Variants in LRP4 observed in about 807,000 individuals in gnomAD.
LRP4 encodes the protein LDL receptor related protein 4, also known as low-density lipoprotein receptor-related protein 4.
Under a neutral mutation model 220.3 loss-of-function variants are expected in LRP4, and 95 were observed. That is an observed-to-expected ratio of 0.43 (90% CI 0.37 to 0.51). LRP4 has a LOEUF of 0.51. Ranked by LOEUF, LRP4 falls within the 20% of genes least tolerant of loss-of-function variation. The pLI, the probability that LRP4 is intolerant of heterozygous loss-of-function variation, is 0.00. For synonymous variants in LRP4, 903 were observed against 954.6 expected, an observed-to-expected ratio of 0.95 and a Z score of 1.00; for missense variants, 1,925 against 2,567.0, an observed-to-expected ratio of 0.75 and a Z score of 5.40.
In LRP4 at chr11:46,874,801, T is replaced by C; in HGVS notation, c.4228A>G (p.Arg1410Gly). ...TGGAGGTTTCAGTGTTGCTCATACC[T>C]GATAACATCCAGGAACACATCTGTG... ...YYTDVFLDVI[R>G]RADLNGSNME... The change falls in exon 28 of 38, where the codon AGG becomes GGG. Residue 1410 changes from arginine to glycine, a missense_variant and splice_region_variant. Arg to Gly is a moderately radical substitution (Grantham distance 125, BLOSUM62 -2). Coordinates refer to ENST00000378623, the MANE Select transcript of LRP4 (RefSeq NM_002334.4). 1.9e-6 allele frequency: 3 copies of C among 1,613,624 alleles called. No individual in the cohort carries two copies. The highest frequency in any genetic ancestry group is 2.2e-5 in the East Asian group (1 of 44,862).
At chr11:46,880,379 T>C (rs1941125463) in intron 20 of LRP4, among the ~76,000 whole-genome samples, 2 of 150,564 alleles carry the variant, frequency 1.3e-5, no homozygotes, top group Admixed American at 1.3e-4. Flanking sequence ...AGCAGGAGGA[T>C]TGCTTGAGCC....
intron 1 of LRP4, among the ~76,000 whole-genome samples, chr11:46,916,649 G>T (rs956736975): frequency 1.3e-5 from 2 of 151,778 alleles, no homozygotes; most frequent in African/African-American, 4.8e-5. Flanking sequence ...CTTCCCTAGG[G>T]CAGAAGGCGA....
Position 46,892,968 on chromosome 11 carries a change from C to T in LRP4, c.1697+5G>A, listed in dbSNP as rs1941453613. ...GAAAGTTCGGGAGCCTGAGATACAA[C>T]TTACCCCTCCATGGGATGCAAGGCA... is the stretch of plus-strand genomic sequence containing the variant. On this transcript the variant is annotated splice_donor_5th_base_variant and intron_variant, in intron 13 of 37. Coordinates refer to ENST00000378623, the MANE Select transcript of LRP4 (RefSeq NM_002334.4). 1 of 1,612,836 alleles carries T rather than the reference C, an allele frequency of 6.2e-7. No homozygotes were observed. Among genetic ancestry groups the T allele is most frequent in the Non-Finnish European group, 8.5e-7 (1 of 1,179,876 alleles).
intron 37 of LRP4, among the ~76,000 whole-genome samples, chr11:46,861,834 C>T (rs1431642225): frequency 6.6e-6 from 1 of 151,884 alleles, no homozygotes; most frequent in Non-Finnish European, 1.5e-5. Flanking sequence ...TTTGGGAGGC[C>T]GAGGCAGGTG....
At position 46,894,860 on chromosome 11, in the gene LRP4, G is replaced by C. The variant is rs199666098; in HGVS notation, c.1310-41C>G. 17 of 1,551,824 alleles carry C rather than the reference G, an allele frequency of 1.1e-5. No individual in the cohort carries two copies. The Admixed American group carries it at 2.3e-4, about 21-fold the overall frequency. On this transcript the variant is annotated intron_variant, in intron 11 of 37. Coordinates refer to ENST00000378623, the MANE Select transcript of LRP4 (RefSeq NM_002334.4). ...AACATGGGATACCCACTGGGTTTCA[G>C]AGCCGCCCCTGGTACCCATCAGCAG...
rs373269700 is a variant in LRP4 at position 46,869,152 on chromosome 11, C to G, written c.4693-20G>C. 3.7e-6 allele frequency: 6 copies of G among 1,612,214 alleles called. No individual in the cohort carries two copies. In the African/African-American group the frequency reaches 8.0e-5, roughly 21 times the overall value. On this transcript the variant is annotated intron_variant, in intron 31 of 37. Transcript: ENST00000378623. ...GTCTTGCTACTCAACAGGGGAAGCC[C>G]AAAAACAGTAAATATTATTCAGCAA...
rs1361464562 is a variant in LRP4, at chr11:46,890,260, T to C, written c.1915+17A>G. The C allele has an allele frequency of 6.2e-7, 1 of 1,613,502 alleles. No individual in the cohort carries two copies. The highest frequency in any genetic ancestry group is 8.5e-7 in the Non-Finnish European group (1 of 1,179,574). The stretch of plus-strand genomic sequence containing the variant: ...CAGGAGGACAAGAGATGAAGGAGAC[T>C]GAAGGAAGGGGCTCACCCTGGCTAA... On this transcript the variant is annotated intron_variant, in intron 14 of 37. Transcript: ENST00000378623. This position sits in a 1 kb window ranked among gnomAD's most constrained non-coding sequence, Gnocchi z 5.3.
In LRP4 at chr11:46,873,125, G is replaced by A. The variant is rs915850062; in HGVS notation, c.4558C>T (p.Leu1520Phe). The change falls in exon 30 of 38, where the codon CTT (leucine) becomes TTT (phenylalanine). Residue 1520 changes from leucine (L) to phenylalanine (F), a missense_variant. By Grantham distance (22) the Leu-to-Phe change is conservative. Around this residue, in one of 3 missense-constraint regions of LRP4, gnomAD observed 1,244 missense variants for 1,624.9 expected, o/e 0.77. Coordinates refer to ENST00000378623, the MANE Select transcript of LRP4 (RefSeq NM_002334.4). The surrounding 1 kb of genome is among the most constrained non-coding windows in gnomAD (Gnocchi z 4.2). ...CTGCGGGTATCATAGTCCAGGGTAA[G>A]GCCATTGGGCCAACCCAGGTCTGTG... Reference protein sequence around the residue: ...INTDLGWPNGLTLDYDTRRIY... With the variant: ...INTDLGWPNGFTLDYDTRRIY... The A allele has an allele frequency of 6.2e-7, 1 of 1,614,204 alleles. No homozygotes were observed. The highest frequency in any genetic ancestry group is 8.5e-7 in the Non-Finnish European group (1 of 1,180,036).
chr11:46,893,162 A>G, intron 12 of LRP4, 33 bp from the exon 13 acceptor site: 1 of 1,613,890 alleles, frequency 6.2e-7, no homozygotes, highest in Non-Finnish European at 8.5e-7. Context: ...AATGTCAAGG[A>G]GTCAACCCAG....
At chr11:46,912,951 C>T (rs926019744) in intron 1 of LRP4, among the ~76,000 whole-genome samples, 1 of 152,134 alleles carries the variant, frequency 6.6e-6, no homozygotes, top group Non-Finnish European at 1.5e-5. Context: ...TTGTTTCCGG[C>T]TCTGCTTGCC....
At chr11:46,880,084 G>A (rs1009329110) in intron 20 of LRP4, among the ~76,000 whole-genome samples, 4 of 152,152 alleles carry the variant, frequency 2.6e-5, no homozygotes, top group Non-Finnish European at 5.9e-5. Context: ...CAGTCTGGGC[G>A]ACAGAGCAAG....
intron 1 of LRP4, among the ~76,000 whole-genome samples, chr11:46,905,112 C>T (rs1270158714): frequency 1.3e-5 from 2 of 151,980 alleles, no homozygotes; most frequent in Non-Finnish European, 2.9e-5. Flanking sequence ...CTCTTCGGGT[C>T]TCTCTACAAA....
chr11:46,901,355 A>C (rs1180440418), intron 2 of LRP4, among the ~76,000 whole-genome samples: 2 of 152,160 alleles, frequency 1.3e-5, no homozygotes, highest in African/African-American at 4.8e-5. Context: ...CTCAATTTCC[A>C]GTTCATTACG....
chr11:46,902,662 A>G lies in LRP4; in HGVS notation c.199+121T>C, dbSNP rs1347726752. On this transcript the variant is annotated intron_variant, in intron 2 of 37. Coordinates refer to ENST00000378623, the MANE Select transcript of LRP4 (RefSeq NM_002334.4). ...AAATGTCAATATCTATCAAGCTTGC[A>G]AAAGACCAACTCTCTGAGTCCGACA... 3 of 1,191,870 alleles carry G rather than the reference A, an allele frequency of 2.5e-6. No individual in the cohort carries two copies. The Admixed American group carries it at 5.2e-5, about 21-fold the overall frequency. 73.8% of individuals were successfully genotyped at this position (1,191,870 alleles called of 1,614,324 possible).
rs1182247156 is a variant in LRP4 at position 46,899,136 on chromosome 11, T to A, written c.548-104A>T. 4 of 1,165,120 alleles carry A rather than the reference T, an allele frequency of 3.4e-6. No homozygotes were observed. The highest frequency in any genetic ancestry group is 3.7e-6 in the Non-Finnish European group (3 of 805,974). 72.2% of individuals were successfully genotyped at this position (1,165,120 alleles called of 1,614,324 possible). On this transcript the variant is annotated intron_variant, in intron 5 of 37. Transcript: ENST00000378623. This position sits in a 1 kb window ranked among gnomAD's most constrained non-coding sequence, Gnocchi z 5.9. ...CAGGATGCTCAGGCAGGAGAGCTTC[T>A]TCAAGTGAGATGTAACCAGGTTTCA...
At chr11:46,872,936 T>TA (rs1940908002) in intron 30 of LRP4, 164 bp downstream of exon 30, 3 of 1,063,560 alleles carry the variant, frequency 2.8e-6, no homozygotes, top group African/African-American at 3.1e-5. Flanking sequence ...GGGCTGGATT[T>TA]AGCAATCGCT....
intron 10 of LRP4, 31 bp from the exon 11 acceptor site, chr11:46,895,322 C>T: frequency 1.2e-6 from 2 of 1,608,960 alleles, no homozygotes; most frequent in Non-Finnish European, 1.7e-6. Flanking sequence ...AAGAGATCTC[C>T]CTTCTGTCGT....
chr11:46,885,038 T>C (rs1484969559), intron 18 of LRP4, among the ~76,000 whole-genome samples: 1 of 152,206 alleles, frequency 6.6e-6, no homozygotes, highest in Admixed American at 6.5e-5. Context: ...TAGATTGGCA[T>C]GCAGTGGTGT....
intron 1 of LRP4, among the ~76,000 whole-genome samples, chr11:46,910,680 C>CCTTTTTTTTTT (rs537874966): frequency 2.0e-4 from 25 of 123,810 alleles, no homozygotes; most frequent in Middle Eastern, 4.0e-3. Flanking sequence ...TCCTTGCCCC[C>CCTTTTTTTTTT]TTTTTTTTTT....
Sources: allele counts gnomAD v4.1 joint callset (sites outside exome capture counted in the v4.1 genomes callset), GRCh38; gene constraint gnomAD v4.1.1; regional missense constraint gnomAD v4.1.1; non-coding constraint Gnocchi (gnomAD v3.1); transcripts MANE v1.5; gene names NCBI Gene and HGNC (gene_info 2026-07-23, HGNC 2026-07-21).